The following CALN1 variants were observed in gnomAD, a reference collection of about 807,000 sequenced individuals.
The protein encoded by CALN1 is calneuron 1.
CALN1 carries 17 observed loss-of-function variants against 30.6 expected under a neutral mutation model. That is an observed-to-expected ratio of 0.56 (90% confidence interval 0.38 to 0.83). CALN1 has a LOEUF of 0.83. CALN1 is among the 40% of genes least tolerant of loss of function. CALN1 has a pLI of 0.00. For missense variants in CALN1, 291 were observed against 354.9 expected (o/e 0.82, Z 1.45); for synonymous variants, 156 against 131.4 (o/e 1.19, Z -1.28).
At chr7:72,033,675 T>C (rs1472934414) in intron 4 of CALN1, among the ~76,000 whole-genome samples, 1 of 152,176 alleles carries the variant, frequency 6.6e-6, no homozygotes, top group Non-Finnish European at 1.5e-5. Flanking sequence ...CCACCCTTCA[T>C]GCTGGATAGA....
chr7:71,867,144 C>A (rs75477186), intron 5 of CALN1, among the ~76,000 whole-genome samples: 135 of 138,894 alleles, frequency 9.7e-4, no homozygotes, highest in African/African-American at 1.5e-3. Context: ...GACTCTGTCT[C>A]AAAAAAAAAA....
At chr7:71,801,440 C>CTATCTATA (rs1554340316) in intron 6 of CALN1, among the ~76,000 whole-genome samples, 5 of 149,602 alleles carry the variant, frequency 3.3e-5, no homozygotes, top group African/African-American at 1.3e-4. Flanking sequence ...ATCTATCTAT[C>CTATCTATA]TATCTATCTA....
chr7:72,104,167 G>T, intron 4 of CALN1: 1 of 153,658 alleles, frequency 6.5e-6, no homozygotes. Context: ...TCAAGTCCAA[G>T]CTGGTAGATG....
chr7:71,997,447 A>C lies in CALN1; in HGVS notation c.501+26210T>G, dbSNP rs568879962. Among the ~76,000 whole-genome samples the C allele has an allele frequency of 3.0e-4, 46 of 152,336 alleles. 1 individual carries two copies. In the South Asian group the frequency reaches 9.3e-3, roughly 31 times the overall value. ...AACAGATCCTCAGGGGCAATTAAAA[A>C]ATTCAACGCTCATCAGAGTCCCAGA... On this transcript the variant is annotated intron_variant, in intron 5 of 6. Transcript: ENST00000395275.
chr7:72,189,752 C>T (rs1019195988), intron 3 of CALN1, among the ~76,000 whole-genome samples: 2 of 143,464 alleles, frequency 1.4e-5, no homozygotes, highest in Non-Finnish European at 3.0e-5. Context: ...TAGGCGACAG[C>T]GCCAGACTTT....
intron 1 of CALN1, among the ~76,000 whole-genome samples, chr7:72,408,165 G>C (rs1389553814): frequency 1.3e-5 from 2 of 151,774 alleles, no homozygotes; most frequent in African/African-American, 4.8e-5. Flanking sequence ...TGGCATGGAG[G>C]CTCACATCTG....
intron 4 of CALN1, among the ~76,000 whole-genome samples, chr7:72,053,812 C>A (rs1802997496): frequency 6.6e-6 from 1 of 151,280 alleles, no homozygotes; most frequent in Admixed American, 6.6e-5. Context: ...CCCCAGGTCC[C>A]CAAAGTCCAT....
chr7:72,415,780 G>A (rs1807402252), upstream of CALN1, among the ~76,000 whole-genome samples: 1 of 152,176 alleles, frequency 6.6e-6, no homozygotes, highest in African/African-American at 2.4e-5. Flanking sequence ...AGGCCCGTGA[G>A]GGTACGGGGG....
At chr7:72,181,627 G>C (rs1461655437) in intron 3 of CALN1, among the ~76,000 whole-genome samples, 1 of 152,022 alleles carries the variant, frequency 6.6e-6, no homozygotes, top group Non-Finnish European at 1.5e-5. Context: ...ACAGGTGTGA[G>C]CCACCATGCT....
intron 3 of CALN1, among the ~76,000 whole-genome samples, chr7:72,187,359 T>C (rs1489158827): frequency 6.6e-6 from 1 of 152,164 alleles, no homozygotes; most frequent in Non-Finnish European, 1.5e-5. Context: ...AATGCAATCA[T>C]TGTCTAGGAC....
intron 3 of CALN1, among the ~76,000 whole-genome samples, chr7:72,274,057 T>C (rs1014912452): frequency 3.7e-4 from 56 of 152,242 alleles, no homozygotes; most frequent in African/African-American, 1.3e-3. Flanking sequence ...AAATAGCTAA[T>C]AGCTATTTCC....
intron 3 of CALN1, among the ~76,000 whole-genome samples, chr7:72,135,349 G>A (rs573627261): frequency 3.6e-4 from 55 of 152,258 alleles, no homozygotes; most frequent in Middle Eastern, 3.4e-3. Context: ...GGCAGCTATC[G>A]CCTTATGAAA....
chr7:72,146,966 T>C (rs897925805), intron 3 of CALN1, among the ~76,000 whole-genome samples: 17 of 152,278 alleles, frequency 1.1e-4, no homozygotes, highest in African/African-American at 3.6e-4. Flanking sequence ...CAAAAATTAA[T>C]TGAAGATGGA....
At chr7:72,246,282 T>A (rs2129551667) in intron 3 of CALN1, among the ~76,000 whole-genome samples, 1 of 152,224 alleles carries the variant, frequency 6.6e-6, no homozygotes, top group African/African-American at 2.4e-5. Context: ...AAGCTCTCAT[T>A]TCAAAATTAG....
chr7:72,232,750 A>G (rs986256483), intron 3 of CALN1, among the ~76,000 whole-genome samples: 8 of 152,202 alleles, frequency 5.3e-5, no homozygotes, highest in African/African-American at 1.9e-4. Flanking sequence ...ATGAGCCACC[A>G]CACCTGGCTT....
chr7:72,262,508 C>T (rs1562809819), intron 3 of CALN1, among the ~76,000 whole-genome samples: 1 of 152,168 alleles, frequency 6.6e-6, no homozygotes, highest in Non-Finnish European at 1.5e-5. Flanking sequence ...CTTTTCCTCT[C>T]TCCTCTGTTT....
intron 4 of CALN1, among the ~76,000 whole-genome samples, chr7:72,046,709 T>TAAAAAAAAAAAAAA (rs59664699): frequency 1.9e-5 from 1 of 51,844 alleles, no homozygotes; most frequent in Non-Finnish European, 3.6e-5. Flanking sequence ...GACTCCCTCT[T>TAAAAAAAAAAAAAA]AAAAAAAAAA....
intron 2 of CALN1, among the ~76,000 whole-genome samples, chr7:72,340,208 T>G (rs1473801466): frequency 6.6e-6 from 1 of 152,178 alleles, no homozygotes; most frequent in Non-Finnish European, 1.5e-5. Context: ...TTTACCTCCT[T>G]AACTAATCAC....
At chr7:71,803,615 C>G (rs1048000541) in intron 6 of CALN1, among the ~76,000 whole-genome samples, 1 of 152,138 alleles carries the variant, frequency 6.6e-6, no homozygotes, top group African/African-American at 2.4e-5. Context: ...GCTGGGATTA[C>G]AGGCTCCTGC....
Sources: allele counts gnomAD v4.1 joint callset (sites outside exome capture counted in the v4.1 genomes callset), GRCh38; gene constraint gnomAD v4.1.1; transcripts MANE v1.5; gene names NCBI Gene and HGNC (gene_info 2026-07-23, HGNC 2026-07-21).